IST1: variants seen among roughly 807,000 people sequenced by gnomAD.
IST1 encodes the protein IST1 homolog.
Under a neutral mutation model 37.0 loss-of-function variants are expected in IST1, and 23 were observed. The observed-to-expected ratio is 0.62, with a 90% confidence interval of 0.45 to 0.88. The LOEUF is 0.88. IST1 is among the 40% of genes least tolerant of loss of function. The probability of loss-of-function intolerance (pLI) is 0.00; values close to 1 mark genes in which losing one functional copy is unlikely to be tolerated. For missense variants in IST1, 488 were observed against 445.4 expected (o/e 1.10, Z -0.86); for synonymous variants, 180 against 161.7 (o/e 1.11, Z -0.86).
chr16:71,896,233 G>A (rs1476396579), intron 1 of IST1, among the ~76,000 whole-genome samples: 1 of 152,130 alleles, frequency 6.6e-6, no homozygotes, highest in Non-Finnish European at 1.5e-5. Context: ...TTTTCTCGGT[G>A]CTCTTCTTCC....
Position 71,922,633 on chromosome 16 carries a change from A to G in IST1, c.712A>G (p.Met238Val), listed in dbSNP as rs201131616. 5.6e-6 allele frequency: 9 copies of G among 1,608,460 alleles called. No homozygotes were observed. The highest frequency in any genetic ancestry group is 1.7e-5 in the Admixed American group (1 of 59,226). ...AATGCCCATGCCCATGCCCATGCCTATGCCATCTGCAAATACGCCTTTCTC... is the reference window on the plus strand; with the variant it reads ...AATGCCCATGCCCATGCCCATGCCTGTGCCATCTGCAAATACGCCTTTCTC... ...VPMPMPMPMPMPSANTPFSYP... is the reference protein window; with the variant it reads ...VPMPMPMPMPVPSANTPFSYP... The change falls in exon 7 of 10, where the codon ATG (methionine) becomes GTG (valine). Residue 238 changes from methionine to valine, a missense_variant. Around this residue, in one of 2 missense-constraint regions of IST1, gnomAD observed 455 missense variants for 386.2 expected, o/e 1.18. Coordinates refer to ENST00000378799, the MANE Select transcript of IST1 (RefSeq NM_001270975.2).
chr16:71,926,350 G>GTT (rs879484620), intron 9 of IST1, among the ~76,000 whole-genome samples: 7 of 142,338 alleles, frequency 4.9e-5, no homozygotes, highest in Non-Finnish European at 7.7e-5. Context: ...AAAACTCATA[G>GTT]TTTTTTTTTT....
At chr16:71,905,729 G>A (rs960310506) in intron 1 of IST1, among the ~76,000 whole-genome samples, 1 of 152,150 alleles carries the variant, frequency 6.6e-6, no homozygotes, top group African/African-American at 2.4e-5. Context: ...CACTTCTCAT[G>A]GAGTATGAAA....
intron 4 of IST1, 100 bp from the exon 5 acceptor site, chr16:71,920,639 A>C (rs2037558259): frequency 3.8e-6 from 3 of 781,354 alleles, no homozygotes; most frequent in Non-Finnish European, 6.5e-6. Flanking sequence ...AGTGTTTTGG[A>C]AATCTTGTAA....
chr16:71,905,486 C>T (rs1428106117), intron 1 of IST1, among the ~76,000 whole-genome samples: 1 of 151,546 alleles, frequency 6.6e-6, no homozygotes, highest in Non-Finnish European at 1.5e-5. Context: ...TCAAGTGATT[C>T]TTTTGCCTCA....
intron 1 of IST1, among the ~76,000 whole-genome samples, chr16:71,910,069 A>C (rs1198956065): frequency 1.1e-4 from 17 of 152,214 alleles, no homozygotes; most frequent in Non-Finnish European, 1.2e-4. Flanking sequence ...GATGTACAGC[A>C]GTCCTCCCTT....
rs543069024 is a variant in IST1 at position 71,912,775 on chromosome 16, G to A, written c.-15-2851G>A. Among the ~76,000 whole-genome samples the A allele has an allele frequency of 5.6e-4, 85 of 152,108 alleles. 3 individuals are homozygous for A. In the South Asian group the frequency reaches 0.017, roughly 30 times the overall value. On this transcript the variant is annotated intron_variant, in intron 1 of 9. Coordinates refer to ENST00000378799, the MANE Select transcript of IST1 (RefSeq NM_001270975.2). Reference sequence around the variant, plus strand: ...CAATTCCCTGTTTCCCCCTACTCCCGGACCCTGGTAACCACCATTCTACTT... The same window carrying A: ...CAATTCCCTGTTTCCCCCTACTCCCAGACCCTGGTAACCACCATTCTACTT...
In IST1 at chr16:71,895,546, C is replaced by T. The variant is rs1019327052; in HGVS notation, c.-59C>T. Reference sequence around the variant, plus strand: ...GGGAGTCGCCATTTTGGATGGTGAACCCTGAAGTCGGTGTCTGCTGCGTTC... The same window carrying T: ...GGGAGTCGCCATTTTGGATGGTGAATCCTGAAGTCGGTGTCTGCTGCGTTC... On this transcript the variant is annotated 5_prime_UTR_variant, in exon 1 of 10. Coordinates refer to ENST00000378799, the MANE Select transcript of IST1 (RefSeq NM_001270975.2). 3.0e-6 allele frequency: 3 copies of T among 985,702 alleles called. No homozygotes were observed. The highest frequency in any genetic ancestry group is 4.7e-5 in the South Asian group (1 of 21,390). The allele number at this position is 985,702 out of a possible 1,614,324, so 61.1% of individuals were successfully genotyped here. A position where few individuals can be genotyped will look rare whatever the true frequency, so the allele number is the denominator to read the frequency against.
intron 1 of IST1, among the ~76,000 whole-genome samples, chr16:71,900,823 A>ACCCT: frequency 6.6e-6 from 1 of 152,212 alleles, no homozygotes; most frequent in South Asian, 2.1e-4. Flanking sequence ...AAGGCTAGGG[A>ACCCT]AGCTCTCATT....
At chr16:71,911,406 G>A (rs1448876028) in intron 1 of IST1, among the ~76,000 whole-genome samples, 5 of 151,736 alleles carry the variant, frequency 3.3e-5, no homozygotes, top group Non-Finnish European at 5.9e-5. Context: ...GGTGGTTCAC[G>A]CCTGTAATCC....
At chr16:71,918,860 A>G (rs1447828099) in intron 4 of IST1, among the ~76,000 whole-genome samples, 2 of 152,254 alleles carry the variant, frequency 1.3e-5, no homozygotes, top group South Asian at 2.1e-4. Flanking sequence ...AACAAAAACC[A>G]TAAAAGACAA....
At chr16:71,921,009 T>G (rs2037567715) in intron 5 of IST1, 187 bp downstream of exon 5, 2 of 641,970 alleles carry the variant, frequency 3.1e-6, no homozygotes, top group Admixed American at 4.6e-5. Context: ...TTCCTCTGGT[T>G]ACTGTCATTC....
intron 1 of IST1, among the ~76,000 whole-genome samples, chr16:71,896,574 C>T (rs2036976591): frequency 6.6e-6 from 1 of 151,736 alleles, no homozygotes; most frequent in South Asian, 2.1e-4. Context: ...TATATATTTC[C>T]CTCTCCTTTC....
At chr16:71,921,312 G>T in intron 5 of IST1, 31 bp from the exon 6 acceptor site, 1 of 1,306,352 alleles carries the variant, frequency 7.7e-7, no homozygotes. Context: ...TGGTATACAT[G>T]CATCTTAGCC....
chr16:71,929,521 A>G lies in IST1; in HGVS notation c.*1708A>G. 6.5e-7 allele frequency: 1 copy of G among 1,543,722 alleles called. No individual in the cohort carries two copies. The highest frequency in any genetic ancestry group is 8.7e-7 in the Non-Finnish European group (1 of 1,144,594). On this transcript the variant is annotated 3_prime_UTR_variant, in exon 10 of 10. Coordinates refer to ENST00000378799, the MANE Select transcript of IST1 (RefSeq NM_001270975.2). ...TAATACGCTAATAAATACTAAGCCA[A>G]GTAGGAGATAACAGGATTAAGGTAG...
chr16:71,925,280 G>C (rs924352774), intron 9 of IST1, among the ~76,000 whole-genome samples: 2 of 148,386 alleles, frequency 1.3e-5, no homozygotes, highest in African/African-American at 5.0e-5. Context: ...CTCCCAAAGT[G>C]CTTGGATTAC....
At chr16:71,898,463 C>T (rs113646155) in intron 1 of IST1, among the ~76,000 whole-genome samples, 1 of 151,012 alleles carries the variant, frequency 6.6e-6, no homozygotes, top group South Asian at 2.1e-4. Flanking sequence ...GTGAACGGAT[C>T]ATGTGAGGTT....
chr16:71,896,973 A>C (rs1016867578), intron 1 of IST1, among the ~76,000 whole-genome samples: 10 of 54,678 alleles, frequency 1.8e-4, no homozygotes, highest in Non-Finnish European at 3.2e-4. Context: ...TGTGTAAAAA[A>C]AGAAAAAAAA....
chr16:71,924,277 G>C, intron 8 of IST1: 1 of 428,122 alleles, frequency 2.3e-6, no homozygotes, highest in Admixed American at 2.7e-5. Context: ...AGTTGTCTTA[G>C]TATGGTAAGG....
Sources: allele counts gnomAD v4.1 joint callset (sites outside exome capture counted in the v4.1 genomes callset), GRCh38; gene constraint gnomAD v4.1.1; regional missense constraint gnomAD v4.1.1; transcripts MANE v1.5; gene names NCBI Gene and HGNC (gene_info 2026-07-23, HGNC 2026-07-21).